Variants in CFAP251 observed in about 807,000 individuals in gnomAD.
The protein encoded by CFAP251 is cilia and flagella associated protein 251.
Under a neutral mutation model 126.7 loss-of-function variants are expected in CFAP251, and 93 were observed. The observed-to-expected ratio is 0.73, with a 90% CI of 0.62 to 0.87. The LOEUF (loss-of-function observed/expected upper bound fraction) is 0.87. Among genes scored for constraint, CFAP251 ranks in the 40% least tolerant of loss-of-function variants. CFAP251 has a pLI of 0.00. For missense variants in CFAP251, 1,287 were observed against 1,389.2 expected (o/e 0.93, Z 1.17); for synonymous variants, 503 against 506.9 (o/e 0.99, Z 0.10).
chr12:121,978,151 G>C (rs1206549685), intron 19 of CFAP251, among the ~76,000 whole-genome samples: 2 of 151,082 alleles, frequency 1.3e-5, no homozygotes, highest in Non-Finnish European at 3.0e-5. Context: ...CCAGCACTTT[G>C]GGAGGCCGAG....
Position 121,942,946 on chromosome 12 carries a change from C to G in CFAP251, c.1162C>G (p.Leu388Val), listed in dbSNP as rs1194216197. The change falls in exon 7 of 22, where the codon CTC becomes GTC. Residue 388 changes from leucine (L) to valine (V), a missense_variant. Physicochemically the swap from Leu to Val is conservative, Grantham distance 32. Transcript: ENST00000288912. The part of the protein sequence containing the change: ...TLAVETPACT[L>V]ELPTEYGVQN... ...GGCAGTGGAAACGCCAGCATGCACT[C>G]TCGAACTCCCCACAGAGTACGGTGT... 10 of 1,614,074 alleles carry G rather than the reference C, an allele frequency of 6.2e-6. No homozygotes were observed. The Admixed American group carries it at 1.7e-4, about 27-fold the overall frequency.
intron 19 of CFAP251, among the ~76,000 whole-genome samples, chr12:121,986,130 T>A (rs1383259361): frequency 6.6e-6 from 1 of 152,022 alleles, no homozygotes; most frequent in Non-Finnish European, 1.5e-5. Flanking sequence ...TAGCTGGAAT[T>A]ACCCGCAGTG....
chr12:121,992,356 A>G (rs1478670641), intron 19 of CFAP251: 1 of 985,262 alleles, frequency 1.0e-6, no homozygotes, highest in Non-Finnish European at 1.2e-6. Flanking sequence ...CTTGTTGAGT[A>G]GTGATTCTTG....
chr12:121,928,563 C>T (rs576359311), intron 3 of CFAP251, among the ~76,000 whole-genome samples: 7 of 149,496 alleles, frequency 4.7e-5, no homozygotes, highest in South Asian at 2.1e-4. Context: ...AGCAACGCAA[C>T]GCATCACTTT....
At chr12:121,943,022 T>A (rs760877273) in intron 7 of CFAP251, 47 bp downstream of exon 7, 5 of 1,601,698 alleles carry the variant, frequency 3.1e-6, no homozygotes, top group Non-Finnish European at 4.3e-6. Flanking sequence ...GTTATACAGG[T>A]GCAAGGCCAG....
chr12:121,928,897 A>G (rs1014532828), intron 3 of CFAP251, among the ~76,000 whole-genome samples: 1 of 151,350 alleles, frequency 6.6e-6, no homozygotes, highest in African/African-American at 2.4e-5. Context: ...GGGTTTCACT[A>G]TGTTGCCCAG....
In CFAP251 at chr12:121,959,487, G is replaced by T. The variant is rs539586740; in HGVS notation, c.2133+393G>T. The T allele has an allele frequency of 2.1e-4, 34 of 163,696 alleles. 1 individual carries two copies. In the South Asian group the frequency reaches 5.9e-3, roughly 29 times the overall value. The allele number at this position is 163,696 out of a possible 1,614,324, so 10.1% of individuals were successfully genotyped here. On this transcript the variant is annotated intron_variant, in intron 13 of 21. Coordinates refer to ENST00000288912, the MANE Select transcript of CFAP251 (RefSeq NM_144668.6). ...TCCGGCGCTCTCCATCCCCACACTG[G>T]TGCGGCCACTCCTCCGGTTTGTGTA...
At chr12:121,971,895 G>A (rs766695633) in intron 17 of CFAP251, 18 of 393,486 alleles carry the variant, frequency 4.6e-5, no homozygotes, top group South Asian at 2.5e-4. Context: ...TGTTGTTCTC[G>A]TGGTAGTGAA....
intron 19 of CFAP251, among the ~76,000 whole-genome samples, chr12:121,977,934 G>T (rs1014331824): frequency 1.3e-5 from 2 of 151,326 alleles, no homozygotes; most frequent in Admixed American, 6.6e-5. Flanking sequence ...ACTCCAGCCT[G>T]GGTGACAGAG....
At chr12:121,999,648 T>G (rs1883103070) in intron 19 of CFAP251, 68 bp from the exon 20 acceptor site, 1 of 1,317,754 alleles carries the variant, frequency 7.6e-7, no homozygotes, top group South Asian at 1.4e-5. Context: ...CTGTCCAATT[T>G]TTAGAAATCT....
At chr12:121,978,604 G>T (rs1190461747) in intron 19 of CFAP251, among the ~76,000 whole-genome samples, 2 of 151,718 alleles carry the variant, frequency 1.3e-5, no homozygotes, top group Non-Finnish European at 2.9e-5. Flanking sequence ...ACAAGGAATT[G>T]AGATTATATG....
chr12:121,942,869 G>A, intron 6 of CFAP251, 26 bp from the exon 7 acceptor site: 1 of 1,613,266 alleles, frequency 6.2e-7, no homozygotes. Flanking sequence ...ACCTTCTCAT[G>A]CCCCTCTCTC....
chr12:121,995,628 A>G (rs1336459432), intron 19 of CFAP251, among the ~76,000 whole-genome samples: 1 of 152,020 alleles, frequency 6.6e-6, no homozygotes, highest in East Asian at 1.9e-4. Context: ...TGAGCCCCCC[A>G]GTAGCTAGGA....
At chr12:121,949,307 A>G (rs1881436919) in intron 8 of CFAP251, 1 of 226,638 alleles carries the variant, frequency 4.4e-6, no homozygotes. Flanking sequence ...GTTTATTTGA[A>G]TTTATTTAAC....
chr12:121,954,057 A>G (rs1154513), intron 9 of CFAP251, 63 bp from the exon 10 acceptor site: 1,204,673 of 1,385,744 alleles, frequency 0.87, 524,840 homozygotes, highest in African/African-American at 0.95. Flanking sequence ...AAAATATCGT[A>G]TTGATAAATG....
At chr12:121,938,850 C>T (rs1256613303) in intron 5 of CFAP251, among the ~76,000 whole-genome samples, 1 of 151,382 alleles carries the variant, frequency 6.6e-6, no homozygotes, top group Non-Finnish European at 1.5e-5. Flanking sequence ...ATTAGTCGGG[C>T]ATAATGGTGC....
At chr12:121,951,254 G>GA (rs1294237593) in intron 8 of CFAP251, 88 of 394,152 alleles carry the variant, frequency 2.2e-4, no homozygotes, top group East Asian at 6.9e-4. Context: ...TCCATCTCAA[G>GA]AAAAAAAAAG....
intron 5 of CFAP251, among the ~76,000 whole-genome samples, chr12:121,938,498 A>ATT (rs1005278880): frequency 7.3e-6 from 1 of 137,590 alleles, no homozygotes; most frequent in African/African-American, 2.7e-5. Flanking sequence ...ATTTTTTTGT[A>ATT]TTTTTTTTTT....
rs1257546802 is a variant in CFAP251 at position 121,954,252 on chromosome 12, T to G, written c.1453T>G (p.Phe485Val). ...IHRPPSSAST[F>V]LGFPYIKPCK... Reference sequence around the variant, plus strand: ...CCGCCCACCCTCATCTGCCTCCACCTTTTTGGGCTTTCCCTATATCAAGCC... The same window carrying G: ...CCGCCCACCCTCATCTGCCTCCACCGTTTTGGGCTTTCCCTATATCAAGCC... Residue 485 changes from phenylalanine to valine, a missense_variant, in exon 10 of 22, where the codon TTT becomes GTT. Transcript: ENST00000288912. 6.2e-7 allele frequency: 1 copy of G among 1,614,148 alleles called. No individual in the cohort carries two copies. The highest frequency in any genetic ancestry group is 8.5e-7 in the Non-Finnish European group (1 of 1,179,994).
Sources: gnomAD v4.1 joint callset for allele counts (sites outside exome capture counted in the v4.1 genomes callset) on GRCh38, gnomAD v4.1.1 for gene constraint, MANE v1.5 for transcripts, NCBI Gene and HGNC (gene_info 2026-07-23, HGNC 2026-07-21) for gene names.